Variants in BCAS3 observed in about 807,000 individuals in gnomAD.
The protein encoded by BCAS3 is BCAS4/BCAS3 fusion.
In BCAS3, 53 loss-of-function variants were observed where a neutral mutation model predicts 116.1. That is an observed-to-expected ratio of 0.46 (90% CI 0.37 to 0.57). The LOEUF is 0.57. BCAS3 is among the 20% of genes least tolerant of loss of function. BCAS3 has a pLI of 0.00. For synonymous variants in BCAS3, 391 were observed against 408.2 expected (o/e 0.96, Z 0.51); for missense variants, 917 against 1,165.4 (o/e 0.79, Z 3.10).
Position 61,367,425 on chromosome 17 carries a change from A to C in BCAS3, c.2426-902A>C, listed in dbSNP as rs1267553171. 2 of 152,468 alleles carry C rather than the reference A, an allele frequency of 1.3e-5. No homozygotes were observed. The highest frequency in any genetic ancestry group is 6.5e-5 in the Admixed American group (1 of 15,286). 9.4% of individuals were successfully genotyped at this position (152,468 alleles called of 1,614,324 possible). ...CGGACTTTGAAGTGATCTCACATGT[A>C]AGATCTAATCTTAGCGTTCAGCAGA... On this transcript the variant is annotated intron_variant, in intron 22 of 23. Transcript: ENST00000407086. The surrounding 1 kb of genome is among the most constrained non-coding windows in gnomAD (Gnocchi z 6.2).
chr17:61,150,365 A>G (rs1261848867), intron 22 of BCAS3, among the ~76,000 whole-genome samples: 1 of 152,188 alleles, frequency 6.6e-6, no homozygotes, highest in Non-Finnish European at 1.5e-5. Flanking sequence ...TTTGCTGCTT[A>G]TGGGTCACTG....
At chr17:61,237,807 A>G (rs1347107197) in intron 22 of BCAS3, among the ~76,000 whole-genome samples, 1 of 152,176 alleles carries the variant, frequency 6.6e-6, no homozygotes, top group African/African-American at 2.4e-5. Context: ...TGCTTTTTGT[A>G]TTACTCTCTA....
At position 61,188,939 on chromosome 17, in the gene BCAS3, T is replaced by C. The variant is rs2079935983; in HGVS notation, c.2425+104375T>C. Among the ~76,000 whole-genome samples the C allele has an allele frequency of 6.6e-6, 1 of 152,000 alleles. No individual in the cohort carries two copies. The highest frequency in any genetic ancestry group is 6.6e-5 in the Admixed American group (1 of 15,254). ...GCAACATAGTGAGACCTCATCTCTA[T>C]AAAACATCAAAAAATCAGCCGGGCG... On this transcript the variant is annotated intron_variant, in intron 22 of 23. Coordinates refer to ENST00000407086, the MANE Select transcript of BCAS3 (RefSeq NM_017679.5). The surrounding 1 kb of genome is among the most constrained non-coding windows in gnomAD (Gnocchi z 4.0).
chr17:61,234,507 T>C (rs1243317952), intron 22 of BCAS3, among the ~76,000 whole-genome samples: 1 of 152,212 alleles, frequency 6.6e-6, no homozygotes, highest in Non-Finnish European at 1.5e-5. Context: ...TCTTTGCTGT[T>C]GTTAATTGCA....
chr17:60,916,948 C>G lies in BCAS3; in HGVS notation c.993+6246C>G, dbSNP rs1203262796. 5.3e-5 allele frequency among the ~76,000 whole-genome samples: 8 copies of G among 152,186 alleles called. No homozygotes were observed. The East Asian group carries it at 7.7e-4, about 15-fold the overall frequency. On this transcript the variant is annotated intron_variant, in intron 12 of 23. Coordinates refer to ENST00000407086, the MANE Select transcript of BCAS3 (RefSeq NM_017679.5). ...GTGGCTGATAAGCAGAAATTGGGAC[C>G]CTTCTAACCTGCTAGTCAGAATTGT...
intron 13 of BCAS3, among the ~76,000 whole-genome samples, chr17:60,932,569 G>A (rs1279875881): frequency 9.9e-5 from 15 of 151,066 alleles, no homozygotes; most frequent in Admixed American, 9.9e-4. Context: ...GTGAAACCCC[G>A]TCTCTACTAA....
chr17:60,769,219 T>C (rs562610442), intron 6 of BCAS3, among the ~76,000 whole-genome samples: 1 of 152,068 alleles, frequency 6.6e-6, no homozygotes, highest in Non-Finnish European at 1.5e-5. Context: ...TGCATTCAGG[T>C]GATGTCTGTG....
At position 61,029,017 on chromosome 17, in the gene BCAS3, C is replaced by T. The variant is rs2066452148; in HGVS notation, c.1638-5649C>T. 1.3e-5 allele frequency among the ~76,000 whole-genome samples: 2 copies of T among 151,764 alleles called. No homozygotes were observed. Among genetic ancestry groups the T allele is most frequent in the South Asian group, 4.1e-4 (2 of 4,826 alleles). ...GTTTTAATAGTTTTTGCTATTTTTCCATGTTATTTAGCATTCAACCTGAGA... is the reference window on the plus strand; with the variant it reads ...GTTTTAATAGTTTTTGCTATTTTTCTATGTTATTTAGCATTCAACCTGAGA... On this transcript the variant is annotated intron_variant, in intron 16 of 23. Coordinates refer to ENST00000407086, the MANE Select transcript of BCAS3 (RefSeq NM_017679.5). This position sits in a 1 kb window ranked among gnomAD's most constrained non-coding sequence, Gnocchi z 5.2.
chr17:60,715,247 C>T (rs1782367452), intron 5 of BCAS3, among the ~76,000 whole-genome samples: 1 of 151,162 alleles, frequency 6.6e-6, no homozygotes, highest in African/African-American at 2.4e-5. Flanking sequence ...AGTTCTCCTG[C>T]CTCAGCCTCC....
chr17:61,248,263 A>AT lies in BCAS3; in HGVS notation c.2426-120058dup, dbSNP rs2048127686. Among the ~76,000 whole-genome samples, 1 of 151,782 alleles carries AT rather than the reference A, an allele frequency of 6.6e-6. No homozygotes were observed. Among genetic ancestry groups the AT allele is most frequent in the South Asian group, 2.1e-4 (1 of 4,824 alleles). Reference sequence around the variant, plus strand: ...GAAGACTGGAGCACATAAAGGCCTGATTTTTTCTTCTGAGTTGGATTGGAT... The same window carrying AT: ...GAAGACTGGAGCACATAAAGGCCTGATTTTTTTCTTCTGAGTTGGATTGGAT... On this transcript the variant is annotated intron_variant, in intron 22 of 23. Coordinates refer to ENST00000407086, the MANE Select transcript of BCAS3 (RefSeq NM_017679.5). This position sits in a 1 kb window ranked among gnomAD's most constrained non-coding sequence, Gnocchi z 4.3.
At chr17:61,110,578 G>T (rs2075002765) in intron 22 of BCAS3, among the ~76,000 whole-genome samples, 1 of 152,246 alleles carries the variant, frequency 6.6e-6, no homozygotes, top group African/African-American at 2.4e-5. Flanking sequence ...CCCGCACCTG[G>T]CTGGGAGGGT....
At chr17:61,312,519 C>T (rs1238297256) in intron 22 of BCAS3, among the ~76,000 whole-genome samples, 1 of 152,222 alleles carries the variant, frequency 6.6e-6, no homozygotes. Flanking sequence ...TCTTTAACAG[C>T]AGACGTTCAT....
intron 7 of BCAS3, among the ~76,000 whole-genome samples, chr17:60,822,981 T>C (rs995109456): frequency 2.6e-5 from 4 of 152,134 alleles, no homozygotes; most frequent in African/African-American, 9.7e-5. Context: ...AATAGCTATA[T>C]GAATGAGCCC....
At chr17:61,003,397 C>CCCCTCCCCTT (rs1600383169) in intron 15 of BCAS3, among the ~76,000 whole-genome samples, 1 of 133,088 alleles carries the variant, frequency 7.5e-6, no homozygotes, top group Non-Finnish European at 1.6e-5. Flanking sequence ...CCCCTCCCCT[C>CCCCTCCCCTT]CCCTCCCCTT....
intron 23 of BCAS3, among the ~76,000 whole-genome samples, chr17:61,385,629 G>T (rs2059808768): frequency 6.6e-6 from 1 of 152,222 alleles, no homozygotes; most frequent in South Asian, 2.1e-4. Flanking sequence ...GCCAGGCACT[G>T]GGCAAGCGCG....
In BCAS3 at chr17:60,995,568, G is replaced by C. The variant is rs1175767942; in HGVS notation, c.1486+5333G>C. On this transcript the variant is annotated intron_variant, in intron 15 of 23. Coordinates refer to ENST00000407086, the MANE Select transcript of BCAS3 (RefSeq NM_017679.5). The surrounding 1 kb of genome is among the most constrained non-coding windows in gnomAD (Gnocchi z 4.7). The stretch of plus-strand genomic sequence containing the variant: ...CTGCCTCAGCCTCCCAAGGTGCTGG[G>C]ATTACAAGCGTGAACCACCGCGCCC... Among the ~76,000 whole-genome samples, 1 of 152,192 alleles carries C rather than the reference G, an allele frequency of 6.6e-6. No homozygotes were observed. Among genetic ancestry groups the C allele is most frequent in the Non-Finnish European group, 1.5e-5 (1 of 68,034 alleles).
At chr17:60,827,888 G>C (rs1222895368) in intron 7 of BCAS3, among the ~76,000 whole-genome samples, 1 of 152,010 alleles carries the variant, frequency 6.6e-6, no homozygotes, top group Admixed American at 6.6e-5. Context: ...AAAATATAAA[G>C]GTAAAGGTAT....
chr17:60,947,167 C>T, intron 13 of BCAS3, 52 bp from the exon 14 acceptor site: 1 of 1,501,760 alleles, frequency 6.7e-7, no homozygotes, highest in Non-Finnish European at 9.1e-7. Context: ...TAGAATATTT[C>T]ATCCACATAC....
rs1030111560 is a variant in BCAS3 at position 61,339,624 on chromosome 17, G to A, written c.2426-28703G>A. ...CTACTAAGAATACAAAAATTAGCCGGGCGTGGTGGTGCCCATCTGTAATCC... is the reference window on the plus strand; with the variant it reads ...CTACTAAGAATACAAAAATTAGCCGAGCGTGGTGGTGCCCATCTGTAATCC... On this transcript the variant is annotated intron_variant, in intron 22 of 23. Transcript: ENST00000407086. The surrounding 1 kb of genome is among the most constrained non-coding windows in gnomAD (Gnocchi z 4.4). 6.6e-6 allele frequency among the ~76,000 whole-genome samples: 1 copy of A among 152,208 alleles called. No homozygotes were observed. Among genetic ancestry groups the A allele is most frequent in the African/African-American group, 2.4e-5 (1 of 41,538 alleles).
Sources: allele counts gnomAD v4.1 joint callset (sites outside exome capture counted in the v4.1 genomes callset), GRCh38; gene constraint gnomAD v4.1.1; non-coding constraint Gnocchi (gnomAD v3.1); transcripts MANE v1.5; gene names NCBI Gene and HGNC (gene_info 2026-07-23, HGNC 2026-07-21).